The following GALNTL6 variants were observed in gnomAD, a reference collection of about 807,000 sequenced individuals.
GALNTL6 encodes the protein polypeptide N-acetylgalactosaminyltransferase like 6.
In GALNTL6, 46 loss-of-function variants were observed where a neutral mutation model predicts 73.7. The ratio of observed to expected loss-of-function variants is 0.62; its 90% CI spans 0.49 to 0.80. GALNTL6 has a LOEUF of 0.80. Among genes scored for constraint, GALNTL6 ranks in the 30% least tolerant of loss-of-function variants. The probability of loss-of-function intolerance (pLI) is 0.00; values close to 1 mark genes in which losing one functional copy is unlikely to be tolerated. For missense variants in GALNTL6, 604 were observed against 755.0 expected (o/e 0.80, Z 2.34); for synonymous variants, 259 against 263.7 (o/e 0.98, Z 0.17).
At position 171,910,604 on chromosome 4, in the gene GALNTL6, A is replaced by G. The variant is rs144097362; in HGVS notation, c.138+95886A>G. ...AAAATCAGTTTATGTTACAGTGGAA[A>G]GAGATGTCTGTATAAGTATTAACCA... is the stretch of plus-strand genomic sequence containing the variant. On this transcript the variant is annotated intron_variant, in intron 2 of 12. Transcript: ENST00000506823. 5.3e-5 allele frequency among the ~76,000 whole-genome samples: 8 copies of G among 152,208 alleles called. No individual in the cohort carries two copies. The East Asian group carries it at 1.4e-3, about 26-fold the overall frequency.
chr4:172,714,398 A>G (rs1299411935), intron 5 of GALNTL6, among the ~76,000 whole-genome samples: 1 of 152,096 alleles, frequency 6.6e-6, no homozygotes, highest in African/African-American at 2.4e-5. Context: ...AGCAAGTAAC[A>G]TCACTGATCC....
At chr4:172,170,752 G>A (rs1734791749) in intron 2 of GALNTL6, among the ~76,000 whole-genome samples, 1 of 151,936 alleles carries the variant, frequency 6.6e-6, no homozygotes, top group Admixed American at 6.6e-5. Flanking sequence ...CTCAAGTCAG[G>A]ATCTGTCCAC....
At chr4:172,339,613 A>T (rs1477228651) in intron 4 of GALNTL6, among the ~76,000 whole-genome samples, 4 of 152,158 alleles carry the variant, frequency 2.6e-5, no homozygotes, top group Admixed American at 2.0e-4. Flanking sequence ...TTTCAACTCC[A>T]GTCGGGGAAA....
At chr4:172,133,822 C>A (rs1349619952) in intron 2 of GALNTL6, among the ~76,000 whole-genome samples, 1 of 152,154 alleles carries the variant, frequency 6.6e-6, no homozygotes, top group Admixed American at 6.5e-5. Context: ...CAGGTGACTG[C>A]TGAGAAGTAG....
chr4:172,127,479 CAG>C lies in GALNTL6; in HGVS notation c.139-102174_139-102173del, dbSNP rs375075992. Among the ~76,000 whole-genome samples, 385 of 152,348 alleles carry C rather than the reference CAG, an allele frequency of 2.5e-3. 2 individuals carry two copies. Among genetic ancestry groups the C allele is most frequent in the African/African-American group, 8.6e-3 (359 of 41,592 alleles). On this transcript the variant is annotated intron_variant, in intron 2 of 12. Transcript: ENST00000506823. ...ACACCAGCACAGACCACTTGGGACT[CAG>C]AGGTTATTTTACATGTACCTAATTT...
chr4:172,291,390 A>G (rs1327710244), intron 3 of GALNTL6, among the ~76,000 whole-genome samples: 1 of 152,126 alleles, frequency 6.6e-6, no homozygotes, highest in Non-Finnish European at 1.5e-5. Context: ...TTTATAAATT[A>G]CACATGGATT....
chr4:172,691,606 G>A (rs757627999), intron 5 of GALNTL6, among the ~76,000 whole-genome samples: 3 of 152,170 alleles, frequency 2.0e-5, no homozygotes, highest in Non-Finnish European at 4.4e-5. Context: ...GATGTCTGGA[G>A]GGCCCACAGA....
At chr4:172,467,805 ATT>A (rs1268786861) in intron 5 of GALNTL6, among the ~76,000 whole-genome samples, 1 of 120,880 alleles carries the variant, frequency 8.3e-6, no homozygotes, top group African/African-American at 3.1e-5. Context: ...AGCATTTTAC[ATT>A]TTCTTTCTTT....
intron 2 of GALNTL6, among the ~76,000 whole-genome samples, chr4:171,882,891 A>T (rs1244019098): frequency 6.6e-6 from 1 of 152,256 alleles, no homozygotes; most frequent in Admixed American, 6.5e-5. Context: ...AGGACTTTCC[A>T]GGAATAGTAT....
chr4:172,881,127 A>G (rs1228703382), intron 7 of GALNTL6, among the ~76,000 whole-genome samples: 1 of 152,196 alleles, frequency 6.6e-6, no homozygotes, highest in Non-Finnish European at 1.5e-5. Context: ...ATTTCTGACT[A>G]CTTATAACCA....
chr4:172,385,504 G>A lies in GALNTL6; in HGVS notation c.553+36815G>A, dbSNP rs957699873. ...ACTTGTTATGTATTGCTGAATAATTGACCCTTTTTTCATTATAAAATATAT... is the reference window on the plus strand; with the variant it reads ...ACTTGTTATGTATTGCTGAATAATTAACCCTTTTTTCATTATAAAATATAT... On this transcript the variant is annotated intron_variant, in intron 5 of 12. Transcript: ENST00000506823. Among the ~76,000 whole-genome samples, 5 of 151,832 alleles carry A rather than the reference G, an allele frequency of 3.3e-5. No homozygotes were observed. In the South Asian group the frequency reaches 1.0e-3, roughly 32 times the overall value.
chr4:171,936,655 A>G (rs1000396619), intron 2 of GALNTL6, among the ~76,000 whole-genome samples: 12 of 152,258 alleles, frequency 7.9e-5, no homozygotes, highest in African/African-American at 2.4e-4. Flanking sequence ...CTTGTTGGAA[A>G]CCAAGACAAA....
At chr4:172,075,314 C>T (rs1425293496) in intron 2 of GALNTL6, among the ~76,000 whole-genome samples, 3 of 152,024 alleles carry the variant, frequency 2.0e-5, no homozygotes, top group African/African-American at 4.8e-5. Flanking sequence ...CATTTTCAAG[C>T]CCAACAGGTA....
chr4:172,529,899 A>T (rs1191567362), intron 5 of GALNTL6, among the ~76,000 whole-genome samples: 1 of 149,020 alleles, frequency 6.7e-6, no homozygotes, highest in South Asian at 2.1e-4. Flanking sequence ...TTATTTATTT[A>T]TCTATTTATT....
intron 2 of GALNTL6, among the ~76,000 whole-genome samples, chr4:172,047,039 C>T (rs1033322906): frequency 1.3e-5 from 2 of 152,020 alleles, no homozygotes; most frequent in African/African-American, 4.8e-5. Context: ...TGAGAAAACT[C>T]CCATTCATTC....
At chr4:172,513,943 A>T (rs1734515887) in intron 5 of GALNTL6, among the ~76,000 whole-genome samples, 1 of 152,182 alleles carries the variant, frequency 6.6e-6, no homozygotes, top group Non-Finnish European at 1.5e-5. Flanking sequence ...TGGTTAGACA[A>T]GATGTTACAG....
intron 5 of GALNTL6, among the ~76,000 whole-genome samples, chr4:172,775,476 T>C (rs758946680): frequency 3.8e-4 from 58 of 152,230 alleles, no homozygotes; most frequent in Admixed American, 4.6e-4. Flanking sequence ...TCATGCATTA[T>C]TGCACAGATA....
chr4:172,829,583 G>A (rs145776435), intron 7 of GALNTL6, among the ~76,000 whole-genome samples: 3 of 152,334 alleles, frequency 2.0e-5, no homozygotes, highest in Admixed American at 6.5e-5. Context: ...TTAGACACAA[G>A]TGAATTGGAA....
At chr4:173,012,756 C>T (rs1752610712) in intron 11 of GALNTL6, among the ~76,000 whole-genome samples, 1 of 152,198 alleles carries the variant, frequency 6.6e-6, no homozygotes, top group South Asian at 2.1e-4. Context: ...AAATTAGAAA[C>T]CTCTCTCAGG....
Sources: allele counts gnomAD v4.1 joint callset (sites outside exome capture counted in the v4.1 genomes callset), GRCh38; gene constraint gnomAD v4.1.1; transcripts MANE v1.5; gene names NCBI Gene and HGNC (gene_info 2026-07-23, HGNC 2026-07-21).